Variants in GET4 observed in about 807,000 individuals in gnomAD.
GET4 encodes the protein guided entry of tail-anchored proteins factor 4.
GET4 carries 20 observed loss-of-function variants against 40.0 expected under a neutral mutation model. The ratio of observed to expected loss-of-function variants is 0.50; its 90% CI spans 0.35 to 0.73. GET4 has a LOEUF of 0.73. Among genes scored for constraint, GET4 ranks in the 30% least tolerant of loss-of-function variants. GET4 has a pLI of 0.01. For synonymous variants in GET4, 280 were observed against 194.6 expected (o/e 1.44, Z -3.65); for missense variants, 557 against 454.0 (o/e 1.23, Z -2.06).
At position 895,531 on chromosome 7, in the gene GET4, C is replaced by T. The variant is rs530227971; in HGVS notation, c.*109C>T. The T allele has an allele frequency of 2.0e-4, 116 of 568,596 alleles. 1 individual carries two copies. Among genetic ancestry groups the T allele is most frequent in the African/African-American group, 1.4e-3 (72 of 52,110 alleles). 35.2% of individuals were successfully genotyped at this position (568,596 alleles called of 1,614,324 possible). A position where few individuals can be genotyped will look rare whatever the true frequency, so the allele number is the denominator to read the frequency against. On this transcript the variant is annotated 3_prime_UTR_variant, in exon 9 of 9. Coordinates refer to ENST00000265857, the MANE Select transcript of GET4 (RefSeq NM_015949.3). The stretch of plus-strand genomic sequence containing the variant: ...TGGGGGCTCCTGGCCCTGAGGCTGG[C>T]GGTGGCCGCATGCCGGCGCGTGTCT...
intron 8 of GET4, among the ~76,000 whole-genome samples, chr7:894,321 G>A (rs529804914): frequency 1.3e-4 from 20 of 152,286 alleles, no homozygotes; most frequent in South Asian, 4.1e-4. Flanking sequence ...GCCAGCCGTC[G>A]TGCTGGGGCA....
chr7:876,874 C>A, intron 1 of GET4, 74 bp downstream of exon 1: 1 of 863,940 alleles, frequency 1.2e-6, no homozygotes, highest in Non-Finnish European at 1.5e-6. Context: ...CGCCTCGCCC[C>A]GCGCCCCCAT....
At chr7:884,380 T>C in intron 1 of GET4, 1 of 1,298,728 alleles carries the variant, frequency 7.7e-7, no homozygotes, top group Non-Finnish European at 1.0e-6. Flanking sequence ...TCGAGGCTCC[T>C]GCTGTGGTGT....
At chr7:887,785 C>T (rs539648061) in intron 4 of GET4, among the ~76,000 whole-genome samples, 15 of 152,374 alleles carry the variant, frequency 9.8e-5, no homozygotes, top group African/African-American at 3.1e-4. Context: ...GCAGCCGTGC[C>T]TTCACGGGGC....
chr7:893,245 C>G (rs1385617508), intron 6 of GET4, among the ~76,000 whole-genome samples: 1 of 112,992 alleles, frequency 8.9e-6, no homozygotes, highest in Non-Finnish European at 1.7e-5. Flanking sequence ...GTGGTGTGTG[C>G]AGGTGAGTGT....
chr7:885,719 C>T (rs985475085), intron 1 of GET4: 3 of 272,470 alleles, frequency 1.1e-5, no homozygotes, highest in African/African-American at 6.8e-5. Flanking sequence ...ATGCACATCC[C>T]CTGCTCCTTC....
chr7:887,089 C>A lies in GET4; in HGVS notation c.317-281C>A, dbSNP rs1178066206. ...CCGGGCCAGAGCCAGGTACCCAGAG[C>A]GGCCACAGCTGTTCCTGGACTCCAG... On this transcript the variant is annotated intron_variant, in intron 3 of 8. Coordinates refer to ENST00000265857, the MANE Select transcript of GET4 (RefSeq NM_015949.3). 1.6e-5 allele frequency: 10 copies of A among 629,208 alleles called. No individual in the cohort carries two copies. In the East Asian group the frequency reaches 3.4e-4, roughly 21 times the overall value. The allele number at this position is 629,208 out of a possible 1,614,324, so 39.0% of individuals were successfully genotyped here. A position where few individuals can be genotyped will look rare whatever the true frequency, so the allele number is the denominator to read the frequency against.
chr7:888,192 C>G (rs1844233660), intron 4 of GET4, among the ~76,000 whole-genome samples: 1 of 152,180 alleles, frequency 6.6e-6, no homozygotes, highest in Non-Finnish European at 1.5e-5. Flanking sequence ...CCCAGGGCAG[C>G]CCCCGCATTG....
chr7:889,622 A>C (rs895829369), intron 4 of GET4, among the ~76,000 whole-genome samples: 1 of 149,900 alleles, frequency 6.7e-6, no homozygotes, highest in African/African-American at 2.4e-5. Flanking sequence ...TGGGCTCCCA[A>C]GGCATGCATG....
chr7:895,189 C>T lies in GET4; in HGVS notation c.896-145C>T, dbSNP rs1844449894. 6.2e-6 allele frequency: 3 copies of T among 485,914 alleles called. No homozygotes were observed. The East Asian group carries it at 1.0e-4, about 16-fold the overall frequency. The allele number at this position is 485,914 out of a possible 1,614,324, so 30.1% of individuals were successfully genotyped here. ...CTCCAGAGTGTCCTGTCCCGGGGTT[C>T]CTGGGTCGTAGACAGTAGCGATGTG... is the stretch of plus-strand genomic sequence containing the variant. On this transcript the variant is annotated intron_variant, in intron 8 of 8. Transcript: ENST00000265857.
rs1486956178 is a variant in GET4 at position 896,324 on chromosome 7, T to G, written c.*902T>G. 1.3e-5 allele frequency: 2 copies of G among 152,222 alleles called. No individual in the cohort carries two copies. Among genetic ancestry groups the G allele is most frequent in the East Asian group, 3.9e-4 (2 of 5,190 alleles). The allele number at this position is 152,222 out of a possible 1,614,324, so 9.4% of individuals were successfully genotyped here. ...TCACAGTTAAATGACAGTTGTAGAT[T>G]GATACGCAGTTGTGCATGGGAAGGG... On this transcript the variant is annotated 3_prime_UTR_variant, in exon 9 of 9. Transcript: ENST00000265857.
chr7:895,517 GGCCCT>G lies in GET4; in HGVS notation c.*97_*101del. The G allele has an allele frequency of 4.9e-6, 3 of 611,650 alleles. No homozygotes were observed. Among genetic ancestry groups the G allele is most frequent in the Non-Finnish European group, 8.7e-6 (3 of 343,074 alleles). 37.9% of individuals were successfully genotyped at this position (611,650 alleles called of 1,614,324 possible). A position where few individuals can be genotyped will look rare whatever the true frequency, so the allele number is the denominator to read the frequency against. ...GTGGCTCCTCGCCTTGGGGGCTCCT[GGCCCT>G]GAGGCTGGCGGTGGCCGCATGCCGG... is the stretch of plus-strand genomic sequence containing the variant. On this transcript the variant is annotated 3_prime_UTR_variant, in exon 9 of 9. Coordinates refer to ENST00000265857, the MANE Select transcript of GET4 (RefSeq NM_015949.3).
intron 5 of GET4, among the ~76,000 whole-genome samples, 167 bp from the exon 6 acceptor site, chr7:892,111 C>T (rs1046378418): frequency 6.6e-6 from 1 of 152,262 alleles, no homozygotes; most frequent in African/African-American, 2.4e-5. Flanking sequence ...CCTGGTGTGC[C>T]CTGCACATGA....
At chr7:878,086 G>T (rs1844004811) in intron 1 of GET4, 1 of 326,260 alleles carries the variant, frequency 3.1e-6, no homozygotes, top group Non-Finnish European at 6.3e-6. Flanking sequence ...TGTTGACGCC[G>T]CCCGGCCTGC....
At chr7:881,836 C>T (rs1844093216) in intron 1 of GET4, 1 of 152,190 alleles carries the variant, frequency 6.6e-6, no homozygotes. Context: ...CTCCCTCTTC[C>T]CTCAGGCCGG....
rs541486067 is a variant in GET4, at chr7:895,625, G to A, written c.*203G>A. 78 of 436,954 alleles carry A rather than the reference G, an allele frequency of 1.8e-4. No homozygotes were observed. Among genetic ancestry groups the A allele is most frequent in the East Asian group, 7.7e-4 (21 of 27,238 alleles). The allele number at this position is 436,954 out of a possible 1,614,324, so 27.1% of individuals were successfully genotyped here. ...TGCTGCTGGGACCCAAGAGTGGGGCGTCGCCCCTGCTGGCCGCCGCGTCCC... is the reference window on the plus strand; with the variant it reads ...TGCTGCTGGGACCCAAGAGTGGGGCATCGCCCCTGCTGGCCGCCGCGTCCC... On this transcript the variant is annotated 3_prime_UTR_variant, in exon 9 of 9. Coordinates refer to ENST00000265857, the MANE Select transcript of GET4 (RefSeq NM_015949.3).
chr7:887,501 G>T lies in GET4; in HGVS notation c.448G>T (p.Ala150Ser). Residue 150 changes from alanine (A) to serine (S), a missense_variant, in exon 4 of 9, where the codon GCC becomes TCC. Physicochemically the swap from Ala to Ser is moderately conservative, Grantham distance 99 (BLOSUM62 1). Transcript: ENST00000265857. ...CCACCCCCGGCTGCACCAGCTGCTG[G>T]CCCTCACCCTGTGGAAAGGTAGGCC... ...LGHPRLHQLLALTLWKEQNYC... is the reference protein window; with the variant it reads ...LGHPRLHQLLSLTLWKEQNYC... 1 of 1,549,254 alleles carries T rather than the reference G, an allele frequency of 6.5e-7. No individual in the cohort carries two copies. Among genetic ancestry groups the T allele is most frequent in the Non-Finnish European group, 8.7e-7 (1 of 1,149,776 alleles).
intron 4 of GET4, among the ~76,000 whole-genome samples, chr7:889,234 G>A (rs554423949): frequency 3.3e-5 from 5 of 152,378 alleles, no homozygotes; most frequent in South Asian, 4.1e-4. Context: ...CCAGGTCCCC[G>A]ACACCGTGAC....
chr7:890,766 C>A (rs1844302344), intron 4 of GET4, among the ~76,000 whole-genome samples, 162 bp from the exon 5 acceptor site: 1 of 152,132 alleles, frequency 6.6e-6, no homozygotes, highest in Admixed American at 6.5e-5. Context: ...GAGGCCTGGG[C>A]TGGCTCTGAG....
Sources: gnomAD v4.1 joint callset for allele counts (sites outside exome capture counted in the v4.1 genomes callset) on GRCh38, gnomAD v4.1.1 for gene constraint, MANE v1.5 for transcripts, NCBI Gene and HGNC (gene_info 2026-07-23, HGNC 2026-07-21) for gene names.